Variants in ITGBL1 observed in about 807,000 individuals in gnomAD.
ITGBL1 encodes the protein integrin beta-like protein 1.
Under a neutral mutation model 68.5 loss-of-function variants are expected in ITGBL1, and 51 were observed. The ratio of observed to expected loss-of-function variants is 0.74; its 90% CI spans 0.59 to 0.94. The LOEUF (loss-of-function observed/expected upper bound fraction) is 0.94. ITGBL1 is among the 40% of genes least tolerant of loss of function. ITGBL1 has a pLI of 0.00. For synonymous variants in ITGBL1, 209 were observed against 227.3 expected, an observed-to-expected ratio of 0.92 and a Z score of 0.72; for missense variants, 649 against 647.4, an observed-to-expected ratio of 1.00 and a Z score of -0.03.
chr13:101,709,391 AAAAAAAAG>A (rs2034355983), intron 9 of ITGBL1, among the ~76,000 whole-genome samples: 4 of 148,420 alleles, frequency 2.7e-5, no homozygotes, highest in Admixed American at 6.7e-5. Context: ...AAAAAAAAAA[AAAAAAAAG>A]AAAAGCAGGA....
chr13:101,595,551 A>G (rs191268696), intron 6 of ITGBL1, among the ~76,000 whole-genome samples: 261 of 152,332 alleles, frequency 1.7e-3, no homozygotes, highest in Non-Finnish European at 2.0e-3. Context: ...TGACCTGAAT[A>G]GACATTTTTC....
rs139364530 is a variant in ITGBL1 at position 101,574,692 on chromosome 13, A to G, written c.464-732A>G. On this transcript the variant is annotated intron_variant, in intron 3 of 10. Transcript: ENST00000376180. The stretch of plus-strand genomic sequence containing the variant: ...GCATTCTACCTCTCAAAATTGTTTG[A>G]GTGCAATATTAATGTTGGTGAAATT... 1.9e-3 allele frequency among the ~76,000 whole-genome samples: 295 copies of G among 152,214 alleles called. 1 individual carries two copies. The highest frequency in any genetic ancestry group is 6.9e-3 in the African/African-American group (287 of 41,564).
intron 2 of ITGBL1, among the ~76,000 whole-genome samples, chr13:101,461,991 T>C (rs924484913): frequency 5.3e-5 from 8 of 152,174 alleles, no homozygotes; most frequent in African/African-American, 1.7e-4. Context: ...AGAATCCGTT[T>C]CCTGGTTATT....
intron 2 of ITGBL1, among the ~76,000 whole-genome samples, chr13:101,529,827 A>T (rs1889700): frequency 2.0e-5 from 3 of 152,048 alleles, no homozygotes; most frequent in African/African-American, 7.2e-5. Context: ...CCCTGCAGCC[A>T]AGTAGAACTG....
At chr13:101,706,553 T>C (rs556015129) in intron 8 of ITGBL1, among the ~76,000 whole-genome samples, 1 of 152,376 alleles carries the variant, frequency 6.6e-6, no homozygotes, top group South Asian at 2.1e-4. Context: ...TCATCTCCTA[T>C]GCTACATTCA....
At chr13:101,549,042 G>A (rs957718879) in intron 2 of ITGBL1, among the ~76,000 whole-genome samples, 3 of 151,754 alleles carry the variant, frequency 2.0e-5, no homozygotes, top group Non-Finnish European at 4.4e-5. Context: ...ATGAATTCAC[G>A]CATAAATTGA....
At chr13:101,657,664 T>G (rs2032968579) in intron 7 of ITGBL1, among the ~76,000 whole-genome samples, 2 of 152,234 alleles carry the variant, frequency 1.3e-5, no homozygotes. Flanking sequence ...GACTTCATAT[T>G]GCAGGGTAAT....
At chr13:101,562,885 T>A (rs1431142904) in intron 2 of ITGBL1, among the ~76,000 whole-genome samples, 1 of 151,730 alleles carries the variant, frequency 6.6e-6, no homozygotes. Flanking sequence ...ACAAGATAGA[T>A]CATCTTCTGG....
At chr13:101,500,076 C>G (rs2048916219) in intron 2 of ITGBL1, among the ~76,000 whole-genome samples, 1 of 152,184 alleles carries the variant, frequency 6.6e-6, no homozygotes, top group African/African-American at 2.4e-5. Flanking sequence ...CCACTCGACC[C>G]TTGCATTTTC....
intron 2 of ITGBL1, among the ~76,000 whole-genome samples, chr13:101,554,125 C>T (rs1354872845): frequency 6.6e-6 from 1 of 152,114 alleles, no homozygotes; most frequent in South Asian, 2.1e-4. Context: ...ATTAAGGGCC[C>T]ACCTAATCCA....
rs781700312 is a variant in ITGBL1 at position 101,452,843 on chromosome 13, C to T, written c.10C>T (p.Pro4Ser). Residue 4 changes from proline (P) to serine (S), a missense_variant, in exon 1 of 11, where the codon CCA becomes TCA. Transcript: ENST00000376180. ...AGCCCAGGAGCTCAGCATGCGTCCC[C>T]CAGGCTTCAGGAACTTCTTGCTGCT... MRP[P>S]GFRNFLLLAS... is the part of the protein sequence containing the mutation. 6.2e-7 allele frequency: 1 copy of T among 1,614,024 alleles called. No homozygotes were observed. Among genetic ancestry groups the T allele is most frequent in the African/African-American group, 1.3e-5 (1 of 75,046 alleles).
chr13:101,664,662 C>T (rs1187913578), intron 7 of ITGBL1, among the ~76,000 whole-genome samples: 4 of 151,988 alleles, frequency 2.6e-5, no homozygotes, highest in Non-Finnish European at 5.9e-5. Flanking sequence ...TGTGTATGAA[C>T]CTGTTTGTGG....
intron 2 of ITGBL1, among the ~76,000 whole-genome samples, chr13:101,461,820 T>C (rs771896130): frequency 6.6e-6 from 1 of 152,194 alleles, no homozygotes; most frequent in Non-Finnish European, 1.5e-5. Flanking sequence ...CCTGCCCTTG[T>C]ATTATTTTTC....
At chr13:101,610,092 A>G (rs572046902) in intron 7 of ITGBL1, among the ~76,000 whole-genome samples, 1 of 152,312 alleles carries the variant, frequency 6.6e-6, no homozygotes, top group East Asian at 1.9e-4. Context: ...CTTAAAATAA[A>G]TGTGACAGTT....
chr13:101,565,525 A>G (rs1594893656), intron 2 of ITGBL1, among the ~76,000 whole-genome samples: 1 of 152,154 alleles, frequency 6.6e-6, no homozygotes, highest in East Asian at 1.9e-4. Flanking sequence ...GCCTCCAAAC[A>G]GATGCTAAGG....
rs1280508877 is a variant in ITGBL1, at chr13:101,529,971, T to TA, written c.317-37721dup. The stretch of plus-strand genomic sequence containing the variant: ...ACTTGTGAGCCCACAATTTTCTATC[T>TA]AAAAAAATCACCTTCCAGTATAAAA... On this transcript the variant is annotated intron_variant, in intron 2 of 10. Coordinates refer to ENST00000376180, the MANE Select transcript of ITGBL1 (RefSeq NM_004791.3). 3.3e-5 allele frequency among the ~76,000 whole-genome samples: 5 copies of TA among 152,192 alleles called. No homozygotes were observed. In the East Asian group the frequency reaches 5.8e-4, roughly 18 times the overall value.
At chr13:101,707,132 T>G (rs949903913) in intron 9 of ITGBL1, among the ~76,000 whole-genome samples, 1 of 152,178 alleles carries the variant, frequency 6.6e-6, no homozygotes, top group Non-Finnish European at 1.5e-5. Context: ...TGCAAAGTTA[T>G]TGCTGAATGA....
chr13:101,495,055 G>C (rs2048836994), intron 2 of ITGBL1, among the ~76,000 whole-genome samples: 1 of 152,176 alleles, frequency 6.6e-6, no homozygotes, highest in African/African-American at 2.4e-5. Context: ...GATGTTGGAA[G>C]GGTTTTGAAT....
chr13:101,604,074 A>G (rs560198648), intron 7 of ITGBL1, among the ~76,000 whole-genome samples: 1 of 152,068 alleles, frequency 6.6e-6, no homozygotes, highest in African/African-American at 2.4e-5. Context: ...ATGCTTTTAT[A>G]TTTTGAAGTT....
Sources: allele counts gnomAD v4.1 joint callset (sites outside exome capture counted in the v4.1 genomes callset), GRCh38; gene constraint gnomAD v4.1.1; transcripts MANE v1.5; gene names NCBI Gene and HGNC (gene_info 2026-07-23, HGNC 2026-07-21).